Variants in CREBRF observed in about 807,000 individuals in gnomAD.
CREBRF encodes the protein CREB3 regulatory factor.
Under a neutral mutation model 66.1 loss-of-function variants are expected in CREBRF, and 5 were observed. The observed-to-expected ratio is 0.08, with a 90% CI of 0.04 to 0.16. The LOEUF is 0.16. Among genes scored for constraint, CREBRF ranks in the 10% least tolerant of loss-of-function variants. CREBRF has a pLI of 1.00. For synonymous variants in CREBRF, 229 were observed against 264.4 expected (o/e 0.87, Z 1.30); for missense variants, 531 against 744.9 (o/e 0.71, Z 3.34).
At chr5:173,105,764 A>G (rs994938802) in intron 4 of CREBRF, among the ~76,000 whole-genome samples, 10 of 151,840 alleles carry the variant, frequency 6.6e-5, no homozygotes, top group African/African-American at 2.4e-4. Flanking sequence ...GTGCCTGGCC[A>G]TGAGGGCCTT....
intron 8 of CREBRF, among the ~76,000 whole-genome samples, chr5:173,131,701 C>G (rs1446952669): frequency 1.8e-5 from 1 of 55,330 alleles, no homozygotes; most frequent in Non-Finnish European, 5.1e-5. Context: ...TGTATACACA[C>G]ACACACACAC....
chr5:173,100,118 G>GTGTGTGTGTGTATA (rs70984939), intron 4 of CREBRF, among the ~76,000 whole-genome samples: 56 of 88,380 alleles, frequency 6.3e-4, no homozygotes, highest in African/African-American at 1.6e-3. Context: ...GTGTGTGTGT[G>GTGTGTGTGTGTATA]TATATATATA....
At position 173,090,678 on chromosome 5, in the gene CREBRF, C is replaced by T. The variant is rs932504156; in HGVS notation, c.499C>T (p.Pro167Ser). Residue 167 changes from proline (P) to serine (S), a missense_variant, in exon 4 of 9, where the codon CCC becomes TCC. By Grantham distance (74) the Pro-to-Ser change is moderately conservative. Transcript: ENST00000296953. This position sits in a 1 kb window ranked among gnomAD's most constrained non-coding sequence, Gnocchi z 4.5. ...PDSLFSVKQN[P>S]LPSSFPGKKI... ...TTCACTTTTCAGTGTCAAACAAAATCCCTTACCCTCTTCATTCCCTGGTAA... is the reference window on the plus strand; with the variant it reads ...TTCACTTTTCAGTGTCAAACAAAATTCCTTACCCTCTTCATTCCCTGGTAA... The T allele has an allele frequency of 1.2e-6, 2 of 1,614,136 alleles. No homozygotes were observed. The highest frequency in any genetic ancestry group is 1.7e-6 in the Non-Finnish European group (2 of 1,180,028).
At chr5:173,061,968 T>C (rs930112588) in intron 1 of CREBRF, among the ~76,000 whole-genome samples, 2 of 152,190 alleles carry the variant, frequency 1.3e-5, no homozygotes, top group Admixed American at 6.6e-5. Flanking sequence ...GAGAATATAT[T>C]GACCTTTATG....
At chr5:173,106,908 C>G (rs922985997) in intron 4 of CREBRF, among the ~76,000 whole-genome samples, 2 of 152,120 alleles carry the variant, frequency 1.3e-5, no homozygotes, top group Non-Finnish European at 2.9e-5. Context: ...CACCACCATG[C>G]CCGGCTAATT....
Position 173,095,099 on chromosome 5 carries a change from G to A in CREBRF, c.1222+3698G>A, listed in dbSNP as rs541296823. Among the ~76,000 whole-genome samples the A allele has an allele frequency of 1.1e-4, 16 of 151,052 alleles. 1 individual carries two copies. The South Asian group carries it at 3.3e-3, about 32-fold the overall frequency. On this transcript the variant is annotated intron_variant, in intron 4 of 8. Coordinates refer to ENST00000296953, the MANE Select transcript of CREBRF (RefSeq NM_153607.3). ...CAAGAATTAATTAATTGGACATAATGTGGGAATTTATTTCTGGGCTCTCTG... is the reference window on the plus strand; with the variant it reads ...CAAGAATTAATTAATTGGACATAATATGGGAATTTATTTCTGGGCTCTCTG...
At chr5:173,066,376 A>G (rs1044321341) in intron 1 of CREBRF, among the ~76,000 whole-genome samples, 1 of 152,172 alleles carries the variant, frequency 6.6e-6, no homozygotes, top group Non-Finnish European at 1.5e-5. Flanking sequence ...TTATGCACCT[A>G]CAAATTGTTT....
rs1312121030 is a variant in CREBRF at position 173,086,308 on chromosome 5, G to C, written c.10-193G>C. 86 of 641,526 alleles carry C rather than the reference G, an allele frequency of 1.3e-4. No homozygotes were observed. The African/African-American group carries it at 1.4e-3, about 10-fold the overall frequency. The allele number at this position is 641,526 out of a possible 1,614,324, so 39.7% of individuals were successfully genotyped here. A position where few individuals can be genotyped will look rare whatever the true frequency, so the allele number is the denominator to read the frequency against. On this transcript the variant is annotated intron_variant, in intron 2 of 8. Coordinates refer to ENST00000296953, the MANE Select transcript of CREBRF (RefSeq NM_153607.3). ...AGCACTCTATTTTTTCTATTTTTAG[G>C]TATTTTCCTAATATAAGTCTACAGT...
chr5:173,089,700 T>G (rs1475471115), intron 3 of CREBRF, among the ~76,000 whole-genome samples: 1 of 151,816 alleles, frequency 6.6e-6, no homozygotes, highest in Non-Finnish European at 1.5e-5. Context: ...TCTCTAAAAT[T>G]CGTGAGGAGT....
chr5:173,058,941 G>A (rs1302376952), intron 1 of CREBRF, among the ~76,000 whole-genome samples: 2 of 151,352 alleles, frequency 1.3e-5, no homozygotes, highest in Non-Finnish European at 2.9e-5. Context: ...GACTACAGGC[G>A]CGTGCCACCA....
intron 4 of CREBRF, among the ~76,000 whole-genome samples, chr5:173,094,655 G>A (rs543582783): frequency 2.8e-4 from 42 of 152,026 alleles, no homozygotes; most frequent in Non-Finnish European, 5.3e-4. Context: ...CATTGTTTGG[G>A]TTCCTTGTAT....
intron 1 of CREBRF, among the ~76,000 whole-genome samples, chr5:173,063,083 C>T (rs1253968667): frequency 1.3e-5 from 2 of 152,132 alleles, no homozygotes; most frequent in Non-Finnish European, 2.9e-5. Flanking sequence ...TGACTCACCT[C>T]TGTGGGGTAG....
intron 1 of CREBRF, among the ~76,000 whole-genome samples, chr5:173,059,807 T>G (rs1757212554): frequency 6.6e-6 from 1 of 152,234 alleles, no homozygotes; most frequent in Non-Finnish European, 1.5e-5. Flanking sequence ...TTGGGTATAA[T>G]TCCTTCATAT....
At chr5:173,118,711 C>T (rs1759066280) in intron 7 of CREBRF, among the ~76,000 whole-genome samples, 1 of 150,836 alleles carries the variant, frequency 6.6e-6, no homozygotes, top group African/African-American at 2.4e-5. Flanking sequence ...ATTTATCTTC[C>T]TTTATGTGGA....
chr5:173,101,748 C>G lies in CREBRF; in HGVS notation c.1223-6876C>G, dbSNP rs541221511. On this transcript the variant is annotated intron_variant, in intron 4 of 8. Coordinates refer to ENST00000296953, the MANE Select transcript of CREBRF (RefSeq NM_153607.3). Reference sequence around the variant, plus strand: ...TATTTTTAGTAGAGACGGGGTTTCACCATGTTGGTCAGGCTGGTCTTGAAC... The same window carrying G: ...TATTTTTAGTAGAGACGGGGTTTCAGCATGTTGGTCAGGCTGGTCTTGAAC... Among the ~76,000 whole-genome samples the G allele has an allele frequency of 3.3e-5, 5 of 152,152 alleles. No homozygotes were observed. In the East Asian group the frequency reaches 9.7e-4, roughly 29 times the overall value.
At chr5:173,132,824 TCCGACCTCAGGTGATCTG>T (rs968974126) in intron 8 of CREBRF, among the ~76,000 whole-genome samples, 12 of 149,888 alleles carry the variant, frequency 8.0e-5, no homozygotes, top group Admixed American at 5.3e-4. Context: ...GTCTTGAACT[TCCGACCTCAGGTGATCTG>T]CCGACCTCAG....
intron 2 of CREBRF, among the ~76,000 whole-genome samples, chr5:173,082,014 T>TTTTTTG (rs1757965725): frequency 1.8e-5 from 2 of 113,784 alleles, no homozygotes; most frequent in Non-Finnish European, 3.9e-5. Context: ...TTTTTTTTTT[T>TTTTTTG]TTTTTTTTTT....
At chr5:173,098,476 T>G (rs1448016012) in intron 4 of CREBRF, among the ~76,000 whole-genome samples, 1 of 152,262 alleles carries the variant, frequency 6.6e-6, no homozygotes, top group Non-Finnish European at 1.5e-5. Flanking sequence ...TGGTATTATT[T>G]CAGTCTTCTT....
chr5:173,108,590 A>C (rs776118512), intron 4 of CREBRF, 34 bp from the exon 5 acceptor site: 1 of 1,569,462 alleles, frequency 6.4e-7, no homozygotes, highest in Non-Finnish European at 8.7e-7. Flanking sequence ...ATTGAAATTT[A>C]TGGAGCTTAA....
Sources: allele counts gnomAD v4.1 joint callset (sites outside exome capture counted in the v4.1 genomes callset), GRCh38; gene constraint gnomAD v4.1.1; non-coding constraint Gnocchi (gnomAD v3.1); transcripts MANE v1.5; gene names NCBI Gene and HGNC (gene_info 2026-07-23, HGNC 2026-07-21).